Variants in ADGRB3 observed in about 807,000 individuals in gnomAD.
ADGRB3 encodes adhesion G protein-coupled receptor B3.
In ADGRB3, 37 loss-of-function variants were observed where a neutral mutation model predicts 193.4. The observed-to-expected ratio is 0.19, with a 90% confidence interval of 0.15 to 0.25. The LOEUF (loss-of-function observed/expected upper bound fraction) is 0.25. Among genes scored for constraint, ADGRB3 ranks in the 10% least tolerant of loss-of-function variants. ADGRB3 has a pLI of 1.00. For synonymous variants in ADGRB3, 690 were observed against 644.2 expected (o/e 1.07, Z -1.08); for missense variants, 1,637 against 1,852.9 (o/e 0.88, Z 2.14).
At chr6:68,911,364 G>T (rs1051867699) in intron 3 of ADGRB3, among the ~76,000 whole-genome samples, 2 of 151,632 alleles carry the variant, frequency 1.3e-5, no homozygotes, top group African/African-American at 4.9e-5. Flanking sequence ...ACATGTATAC[G>T]TATGTAACAA....
At chr6:68,792,995 T>G (rs1767139479) in intron 3 of ADGRB3, among the ~76,000 whole-genome samples, 1 of 152,230 alleles carries the variant, frequency 6.6e-6, no homozygotes, top group Non-Finnish European at 1.5e-5. Flanking sequence ...GTCTGTTTTT[T>G]CGGCACTTCC....
chr6:68,743,415 A>AT (rs891747264), intron 3 of ADGRB3, among the ~76,000 whole-genome samples: 139 of 144,986 alleles, frequency 9.6e-4, no homozygotes, highest in Middle Eastern at 3.6e-3. Flanking sequence ...TAAGTGCTCC[A>AT]TTTTTTTTTT....
chr6:69,064,526 A>G (rs1386522677), intron 16 of ADGRB3, among the ~76,000 whole-genome samples: 2 of 152,042 alleles, frequency 1.3e-5, no homozygotes, highest in African/African-American at 2.4e-5. Context: ...ACTGGGAGAC[A>G]TTTTTAACTT....
chr6:68,978,695 A>G (rs1768820800), intron 10 of ADGRB3, among the ~76,000 whole-genome samples: 1 of 151,484 alleles, frequency 6.6e-6, no homozygotes. Flanking sequence ...AGTATTTGTG[A>G]TATAGAACAT....
At chr6:69,206,872 C>A (rs1159949231) in intron 17 of ADGRB3, among the ~76,000 whole-genome samples, 1 of 152,128 alleles carries the variant, frequency 6.6e-6, no homozygotes. Flanking sequence ...GGTGGAGTGA[C>A]CCAAACTTTC....
intron 20 of ADGRB3, among the ~76,000 whole-genome samples, chr6:69,244,972 C>G (rs566584667): frequency 3.9e-5 from 6 of 152,142 alleles, no homozygotes; most frequent in Admixed American, 3.3e-4. Context: ...TTCCTCATGT[C>G]CAATTTCCTG....
chr6:68,951,950 A>G (rs2150254749), intron 6 of ADGRB3, among the ~76,000 whole-genome samples: 1 of 151,918 alleles, frequency 6.6e-6, no homozygotes, highest in East Asian at 1.9e-4. Context: ...AGATAACAAG[A>G]AAAAAGCTGT....
chr6:68,948,629 C>G (rs1318746598), intron 6 of ADGRB3, among the ~76,000 whole-genome samples: 1 of 151,964 alleles, frequency 6.6e-6, no homozygotes, highest in Non-Finnish European at 1.5e-5. Context: ...AATATTTTCC[C>G]CTAGTCAGTA....
At chr6:68,644,819 G>T (rs17580543) in intron 3 of ADGRB3, among the ~76,000 whole-genome samples, 3,211 of 152,166 alleles carry the variant, frequency 0.021, 46 homozygotes, top group Non-Finnish European at 0.031. Context: ...ATTAAGAGGG[G>T]TGCGAACACT....
At chr6:69,051,604 A>C (rs2150303195) in intron 15 of ADGRB3, among the ~76,000 whole-genome samples, 1 of 152,286 alleles carries the variant, frequency 6.6e-6, no homozygotes, top group Admixed American at 6.5e-5. Context: ...ATTTTCTTTT[A>C]TCTCTTAAAG....
chr6:69,065,925 A>C (rs913899200), intron 16 of ADGRB3, among the ~76,000 whole-genome samples: 1 of 152,084 alleles, frequency 6.6e-6, no homozygotes, highest in Non-Finnish European at 1.5e-5. Flanking sequence ...GTAAAAATAT[A>C]GTATAAAAAC....
intron 10 of ADGRB3, among the ~76,000 whole-genome samples, chr6:68,976,198 A>G (rs1768741763): frequency 1.3e-5 from 2 of 152,308 alleles, no homozygotes; most frequent in East Asian, 1.9e-4. Flanking sequence ...TAAGAATCCT[A>G]AAGAGTATTC....
intron 3 of ADGRB3, among the ~76,000 whole-genome samples, chr6:68,692,467 T>C (rs1435841241): frequency 6.6e-6 from 1 of 151,900 alleles, no homozygotes; most frequent in Admixed American, 6.6e-5. Flanking sequence ...TCTTCCTTTT[T>C]ATAATTTTTT....
chr6:68,884,254 G>A (rs969430451), intron 3 of ADGRB3, among the ~76,000 whole-genome samples: 61 of 152,186 alleles, frequency 4.0e-4, no homozygotes, highest in African/African-American at 1.4e-3. Flanking sequence ...GCCAGGCACG[G>A]GGATGTGTCA....
intron 27 of ADGRB3, among the ~76,000 whole-genome samples, chr6:69,354,845 C>A (rs890220565): frequency 1.3e-5 from 2 of 152,046 alleles, no homozygotes; most frequent in Non-Finnish European, 2.9e-5. Context: ...AGTGAAAGAC[C>A]AGTTATTGTA....
chr6:68,804,944 T>A (rs184067103), intron 3 of ADGRB3, among the ~76,000 whole-genome samples: 66 of 152,206 alleles, frequency 4.3e-4, no homozygotes, highest in African/African-American at 1.4e-3. Flanking sequence ...TTATTTATTT[T>A]TTTGACAGGG....
intron 8 of ADGRB3, among the ~76,000 whole-genome samples, chr6:68,973,098 AAT>A (rs890779195): frequency 6.6e-5 from 10 of 152,206 alleles, no homozygotes; most frequent in Admixed American, 1.3e-4. Flanking sequence ...TAAATAAATG[AAT>A]ATATATTTAC....
intron 17 of ADGRB3, among the ~76,000 whole-genome samples, chr6:69,126,995 A>G (rs978969412): frequency 2.0e-5 from 3 of 152,198 alleles, no homozygotes; most frequent in African/African-American, 7.2e-5. Flanking sequence ...ACCTAAGGGT[A>G]TAGGAAATTG....
chr6:69,013,320 G>A (rs1238245835), intron 11 of ADGRB3, among the ~76,000 whole-genome samples: 1 of 152,018 alleles, frequency 6.6e-6, no homozygotes. Context: ...AGAAACCAAT[G>A]GGCACTGCTA....
Sources: allele counts gnomAD v4.1 joint callset (sites outside exome capture counted in the v4.1 genomes callset), GRCh38; gene constraint gnomAD v4.1.1; transcripts MANE v1.5; gene names NCBI Gene and HGNC (gene_info 2026-07-23, HGNC 2026-07-21).